SLC5A4: variants seen among roughly 807,000 people sequenced by gnomAD.
SLC5A4 encodes probable glucose sensor protein SLC5A4.
SLC5A4 carries 55 observed loss-of-function variants against 70.3 expected under a neutral mutation model. The observed-to-expected ratio is 0.78, with a 90% confidence interval of 0.63 to 0.98. The LOEUF (loss-of-function observed/expected upper bound fraction) is 0.98. SLC5A4 is among the 50% of genes least tolerant of loss of function. SLC5A4 has a pLI of 0.00. For missense variants in SLC5A4, 735 were observed against 839.2 expected, an observed-to-expected ratio of 0.88 and a Z score of 1.53; for synonymous variants, 268 against 305.7, an observed-to-expected ratio of 0.88 and a Z score of 1.29.
intron 9 of SLC5A4, 74 bp downstream of exon 9, chr22:32,232,825 T>C: frequency 2.0e-6 from 3 of 1,510,080 alleles, no homozygotes; most frequent in Non-Finnish European, 2.7e-6. Flanking sequence ...TTTCTCAAGG[T>C]TTTATGACAT....
the SLC5A4 span, chr22:32,272,845 A>G: frequency 4.9e-5 from 25 of 512,734 alleles, no homozygotes; most frequent in Non-Finnish European, 9.2e-5. Flanking sequence ...GCTGCTGCCC[A>G]TGCAGGAGAA....
chr22:32,328,659 G>C, the SLC5A4 span, among the ~76,000 whole-genome samples: 2 of 152,130 alleles, frequency 1.3e-5, no homozygotes, highest in Admixed American at 1.3e-4. Flanking sequence ...AGCCTCCTGA[G>C]AGACCCCAAG....
the SLC5A4 span, among the ~76,000 whole-genome samples, chr22:32,316,030 A>C: frequency 1.3e-5 from 2 of 149,106 alleles, no homozygotes; most frequent in Admixed American, 6.8e-5. Flanking sequence ...TTAGCCAGGC[A>C]TGGTGGTGGG....
the SLC5A4 span, among the ~76,000 whole-genome samples, chr22:32,281,301 G>C: frequency 6.6e-6 from 1 of 152,300 alleles, no homozygotes; most frequent in South Asian, 2.1e-4. Context: ...AAAACAGCAT[G>C]TGCTGCTCCC....
At chr22:32,336,479 G>A in the SLC5A4 span, among the ~76,000 whole-genome samples, 1 of 152,186 alleles carries the variant, frequency 6.6e-6, no homozygotes, top group African/African-American at 2.4e-5. Context: ...GGTCTCTTCC[G>A]GGGCAGGATT....
chr22:32,272,419 G>A, the SLC5A4 span: 2 of 891,120 alleles, frequency 2.2e-6, no homozygotes, highest in Non-Finnish European at 3.7e-6. Context: ...CTTCATGGTC[G>A]ACAGGCAGCT....
the SLC5A4 span, among the ~76,000 whole-genome samples, chr22:32,332,048 T>C: frequency 1.8e-4 from 26 of 144,302 alleles, no homozygotes; most frequent in Admixed American, 3.5e-4. Context: ...CCCCAGGCCC[T>C]GGCCAATCCC....
At chr22:32,320,389 G>A in the SLC5A4 span, among the ~76,000 whole-genome samples, 2 of 152,178 alleles carry the variant, frequency 1.3e-5, no homozygotes, top group African/African-American at 2.4e-5. Context: ...ATGCTCACAA[G>A]GGCAACATAG....
intron 5 of SLC5A4, among the ~76,000 whole-genome samples, chr22:32,239,597 TTA>T (rs1480471948): frequency 1.1e-4 from 3 of 27,830 alleles, no homozygotes; most frequent in African/African-American, 3.1e-4. Context: ...TATATATAAA[TTA>T]TATAAAATAT....
the SLC5A4 span, among the ~76,000 whole-genome samples, chr22:32,266,523 A>G: frequency 8.1e-4 from 124 of 152,394 alleles, 2 homozygotes; most frequent in East Asian, 0.022. Flanking sequence ...AGTAATATTA[A>G]TGAAATTAAA....
chr22:32,262,784 T>G, the SLC5A4 span, among the ~76,000 whole-genome samples: 16 of 151,948 alleles, frequency 1.1e-4, no homozygotes, highest in Non-Finnish European at 1.5e-4. Flanking sequence ...TTTTATTTTT[T>G]TTTGAGACAG....
At chr22:32,289,827 T>C in the SLC5A4 span, among the ~76,000 whole-genome samples, 1 of 152,236 alleles carries the variant, frequency 6.6e-6, no homozygotes, top group Admixed American at 6.5e-5. Flanking sequence ...TTCTGTCTTA[T>C]TGTCTTTTAA....
the SLC5A4 span, among the ~76,000 whole-genome samples, chr22:32,303,139 T>C: frequency 6.6e-6 from 1 of 152,200 alleles, no homozygotes; most frequent in Admixed American, 6.5e-5. Context: ...TTTCCCAAGA[T>C]TAAGGACACA....
At chr22:32,321,458 G>A in the SLC5A4 span, among the ~76,000 whole-genome samples, 7 of 152,088 alleles carry the variant, frequency 4.6e-5, no homozygotes, top group East Asian at 1.9e-4. Context: ...TCTCAAAAAC[G>A]AACACAAATC....
the SLC5A4 span, among the ~76,000 whole-genome samples, chr22:32,333,587 C>A: frequency 2.6e-5 from 4 of 152,074 alleles, no homozygotes; most frequent in African/African-American, 4.8e-5. Context: ...TCCCACAGGC[C>A]CTGGTGCCCT....
rs966209792 is a variant in SLC5A4 at position 32,239,000 on chromosome 22, C to G, written c.568G>C (p.Val190Leu). ...ACATACTTACCAGTGGTGGTGTAAA[C>G]AGCAGTCATAGCCAAGAGGATGAAG... Reference protein sequence around the residue: ...AIFILLAMTAVYTTTGGLASV... With the variant: ...AIFILLAMTALYTTTGGLASV... The change falls in exon 6 of 15, where the codon GTT becomes CTT. Residue 190 changes from valine to leucine, a missense_variant. Coordinates refer to ENST00000266086, the MANE Select transcript of SLC5A4 (RefSeq NM_014227.3). 6.2e-6 allele frequency: 10 copies of G among 1,612,988 alleles called. No homozygotes were observed. The highest frequency in any genetic ancestry group is 7.6e-6 in the Non-Finnish European group (9 of 1,179,106).
chr22:32,344,963 AATTTAAGAAAAACATTTTAAACTTT>A, the SLC5A4 span, among the ~76,000 whole-genome samples: 5 of 152,284 alleles, frequency 3.3e-5, no homozygotes, highest in Admixed American at 1.3e-4. Flanking sequence ...GTATACAGCT[AATTTAAGAAAAACATTTTAAACTTT>A]AAGGCTTACA....
At chr22:32,323,801 G>T in the SLC5A4 span, among the ~76,000 whole-genome samples, 1 of 152,254 alleles carries the variant, frequency 6.6e-6, no homozygotes, top group East Asian at 1.9e-4. Flanking sequence ...ACCCTTGCCT[G>T]TGGGCCACAG....
the SLC5A4 span, among the ~76,000 whole-genome samples, chr22:32,304,679 C>T: frequency 1.3e-5 from 2 of 151,900 alleles, no homozygotes; most frequent in African/African-American, 4.9e-5. Context: ...CGTTCTTTGG[C>T]TTGTCTTTTC....
Sources: gnomAD v4.1 joint callset for allele counts (sites outside exome capture counted in the v4.1 genomes callset) on GRCh38, gnomAD v4.1.1 for gene constraint, MANE v1.5 for transcripts, NCBI Gene and HGNC (gene_info 2026-07-23, HGNC 2026-07-21) for gene names.